TUSC3: variants seen among roughly 807,000 people sequenced by gnomAD.
TUSC3 encodes tumor suppressor candidate 3.
A neutral mutation model predicts 44.8 loss-of-function variants in TUSC3; 45 were observed. That is an observed-to-expected ratio of 1.00 (90% confidence interval 0.79 to 1.29). TUSC3 has a LOEUF of 1.29. Among genes scored for constraint, TUSC3 ranks in the 50% most tolerant of loss-of-function variants. The pLI is 0.00. For missense variants in TUSC3, 519 were observed against 437.9 expected, an observed-to-expected ratio of 1.19 and a Z score of -1.65; for synonymous variants, 212 against 152.9, an observed-to-expected ratio of 1.39 and a Z score of -2.85.
intron 2 of TUSC3, among the ~76,000 whole-genome samples, chr8:15,626,139 CTG>C (rs1805499459): frequency 6.6e-6 from 1 of 152,114 alleles, no homozygotes; most frequent in African/African-American, 2.4e-5. Flanking sequence ...AGGTAGCTGA[CTG>C]TGCCACCCCC....
At chr8:15,760,773 G>T (rs1361767657) in intron 10 of TUSC3, among the ~76,000 whole-genome samples, 1 of 152,144 alleles carries the variant, frequency 6.6e-6, no homozygotes, top group Non-Finnish European at 1.5e-5. Context: ...TAACCTTCTG[G>T]CTCTTTACAG....
At chr8:15,649,187 C>CAT (rs1806772712) in intron 2 of TUSC3, among the ~76,000 whole-genome samples, 1 of 152,128 alleles carries the variant, frequency 6.6e-6, no homozygotes, top group African/African-American at 2.4e-5. Flanking sequence ...TAAGAAATCA[C>CAT]ATAAGGTTTT....
At chr8:15,516,921 A>G (rs1801223775) in intron 2 of TUSC3, among the ~76,000 whole-genome samples, 1 of 152,224 alleles carries the variant, frequency 6.6e-6, no homozygotes, top group Admixed American at 6.5e-5. Flanking sequence ...GAGATTAATA[A>G]GTTCATGCTC....
At chr8:15,773,870 C>T in the TUSC3 span, among the ~76,000 whole-genome samples, 1 of 152,114 alleles carries the variant, frequency 6.6e-6, no homozygotes, top group East Asian at 1.9e-4. Context: ...AAGTTGGACC[C>T]TTGCCTCACA....
chr8:15,825,567 C>G, the TUSC3 span, among the ~76,000 whole-genome samples: 1 of 152,038 alleles, frequency 6.6e-6, no homozygotes, highest in Non-Finnish European at 1.5e-5. Context: ...AACAGCCAAA[C>G]TATATCAGAC....
intron 6 of TUSC3, among the ~76,000 whole-genome samples, chr8:15,720,345 A>G (rs10103432): frequency 0.055 from 8,374 of 151,916 alleles, 329 homozygotes; most frequent in East Asian, 0.13. Flanking sequence ...AGAAATATAA[A>G]ATTACCTCAA....
At chr8:15,662,679 C>G (rs1401638091) in intron 5 of TUSC3, among the ~76,000 whole-genome samples, 1 of 151,912 alleles carries the variant, frequency 6.6e-6, no homozygotes, top group Non-Finnish European at 1.5e-5. Context: ...TGTGTATCTT[C>G]TATGTGACTG....
In TUSC3 at chr8:15,695,072, G is replaced by A. The variant is rs182711655; in HGVS notation, c.798+21236G>A. On this transcript the variant is annotated intron_variant, in intron 6 of 10. Transcript: ENST00000503731. ...CATTCACACTGACAGCAGTGGCAGC[G>A]CAGCGTTTGCGGAGAGGCCACTAGT... Among the ~76,000 whole-genome samples, 261 of 152,310 alleles carry A rather than the reference G, an allele frequency of 1.7e-3. 3 individuals carry two copies. Among genetic ancestry groups the A allele is most frequent in the Admixed American group, 5.1e-3 (78 of 15,300 alleles).
chr8:15,750,521 T>C (rs767993877), intron 9 of TUSC3, among the ~76,000 whole-genome samples: 21 of 152,170 alleles, frequency 1.4e-4, no homozygotes, highest in Non-Finnish European at 2.4e-4. Flanking sequence ...TGTACTTCTT[T>C]TAGTTTGTAC....
chr8:15,499,614 T>A (rs6530880), intron 2 of TUSC3, among the ~76,000 whole-genome samples: 13,965 of 152,268 alleles, frequency 0.092, 695 homozygotes, highest in Middle Eastern at 0.18. Context: ...GTATGATGGT[T>A]AATTTTATGT....
intron 6 of TUSC3, among the ~76,000 whole-genome samples, chr8:15,718,431 G>A (rs932658293): frequency 6.6e-6 from 1 of 152,108 alleles, no homozygotes; most frequent in Non-Finnish European, 1.5e-5. Context: ...ACATTTATGT[G>A]TACAGTTTTG....
At chr8:15,629,420 A>G (rs969873852) in intron 2 of TUSC3, among the ~76,000 whole-genome samples, 1 of 152,168 alleles carries the variant, frequency 6.6e-6, no homozygotes, top group African/African-American at 2.4e-5. Flanking sequence ...AACTAAGATG[A>G]AAAGGTGAAG....
chr8:15,505,329 C>G (rs1257287821), intron 2 of TUSC3, among the ~76,000 whole-genome samples: 1 of 152,204 alleles, frequency 6.6e-6, no homozygotes, highest in Non-Finnish European at 1.5e-5. Context: ...TTCTGATGGC[C>G]AGACTTTTCA....
chr8:15,653,007 C>T lies in TUSC3; in HGVS notation c.426+2193C>T, dbSNP rs186822092. On this transcript the variant is annotated intron_variant, in intron 3 of 10. Transcript: ENST00000503731. ...CATCTTATTTACTTTTACAAATATG[C>T]CTTCTCCTATTTTTATTAAAACAAT... Among the ~76,000 whole-genome samples the T allele has an allele frequency of 6.7e-4, 102 of 152,288 alleles. 1 individual carries two copies. The highest frequency in any genetic ancestry group is 1.1e-3 in the Non-Finnish European group (76 of 68,024).
upstream of TUSC3, among the ~76,000 whole-genome samples, chr8:15,536,968 C>A (rs966617752): frequency 6.6e-6 from 1 of 152,054 alleles, no homozygotes; most frequent in Non-Finnish European, 1.5e-5. Flanking sequence ...AAAAATATAT[C>A]CTTGCCATAC....
At chr8:15,715,482 C>T (rs564119433) in intron 6 of TUSC3, among the ~76,000 whole-genome samples, 16 of 152,060 alleles carry the variant, frequency 1.1e-4, no homozygotes, top group South Asian at 2.1e-4. Flanking sequence ...ATATGCTCTA[C>T]GAAGGCATGA....
the TUSC3 span, among the ~76,000 whole-genome samples, chr8:15,833,093 C>A: frequency 6.6e-6 from 1 of 152,202 alleles, no homozygotes; most frequent in Middle Eastern, 3.4e-3. Flanking sequence ...ATGTGACCAA[C>A]AAGCATATAA....
Position 15,573,196 on chromosome 8 carries a change from CTCTCTCTA to C in TUSC3, c.138+32630_138+32637del, listed in dbSNP as rs1412507577. ...TCTCTCTCTCTCTCTCTCTCTCTCT[CTCTCTCTA>C]TATATATATATATATATATATATAT... On this transcript the variant is annotated intron_variant, in intron 1 of 10. Coordinates refer to ENST00000503731, the MANE Select transcript of TUSC3 (RefSeq NM_006765.4). 4.1e-3 allele frequency among the ~76,000 whole-genome samples: 424 copies of C among 104,202 alleles called. 4 individuals carry two copies. The highest frequency in any genetic ancestry group is 0.01 in the African/African-American group (261 of 25,596). The allele number at this position is 104,202 out of a possible 152,430, so 68.4% of individuals were successfully genotyped here.
chr8:15,752,119 A>C (rs1306157690), intron 9 of TUSC3, among the ~76,000 whole-genome samples: 1 of 152,144 alleles, frequency 6.6e-6, no homozygotes, highest in Non-Finnish European at 1.5e-5. Context: ...TATGGAAATA[A>C]TTTACAGGTG....
Sources: allele counts gnomAD v4.1 joint callset (sites outside exome capture counted in the v4.1 genomes callset), GRCh38; gene constraint gnomAD v4.1.1; transcripts MANE v1.5; gene names NCBI Gene and HGNC (gene_info 2026-07-23, HGNC 2026-07-21).